Variants in SNX13 observed in about 807,000 individuals in gnomAD.
SNX13 encodes the protein sorting nexin-13.
Under a neutral mutation model 133.6 loss-of-function variants are expected in SNX13, and 45 were observed. The observed-to-expected ratio is 0.34, with a 90% CI of 0.27 to 0.43. The LOEUF (loss-of-function observed/expected upper bound fraction) is 0.43. Among genes scored for constraint, SNX13 ranks in the 20% least tolerant of loss-of-function variants. The probability of loss-of-function intolerance (pLI) is 1.00; values close to 1 mark genes in which losing one functional copy is unlikely to be tolerated. For synonymous variants in SNX13, 414 were observed against 373.9 expected (o/e 1.11, Z -1.24); for missense variants, 1,032 against 1,145.1 (o/e 0.90, Z 1.43).
chr7:17,822,792 T>C (rs887353340), intron 17 of SNX13, among the ~76,000 whole-genome samples: 1 of 152,178 alleles, frequency 6.6e-6, no homozygotes, highest in African/African-American at 2.4e-5. Flanking sequence ...ACTGCTGGTT[T>C]CAGTGGTTCA....
At chr7:17,886,572 AGAGT>A (rs548381192) in intron 5 of SNX13, among the ~76,000 whole-genome samples, 15 of 151,914 alleles carry the variant, frequency 9.9e-5, no homozygotes, top group Non-Finnish European at 1.9e-4. Flanking sequence ...CCTGGGTGAC[AGAGT>A]GAGACTCCGT....
At chr7:17,883,529 A>G (rs1019874510) in intron 5 of SNX13, among the ~76,000 whole-genome samples, 3 of 152,144 alleles carry the variant, frequency 2.0e-5, no homozygotes, top group African/African-American at 7.2e-5. Flanking sequence ...TTTTTTAATT[A>G]GGTTACTTGT....
chr7:17,869,580 G>A (rs895718270), intron 8 of SNX13, among the ~76,000 whole-genome samples: 1 of 151,992 alleles, frequency 6.6e-6, no homozygotes, highest in Admixed American at 6.6e-5. Context: ...TTTATTTTTA[G>A]TAAACTGTAC....
chr7:17,902,242 G>GTT (rs71010277), intron 1 of SNX13, among the ~76,000 whole-genome samples: 99 of 120,288 alleles, frequency 8.2e-4, no homozygotes, highest in East Asian at 3.1e-3. Flanking sequence ...TACTGTCATG[G>GTT]TTTTTTTTTT....
At chr7:17,806,320 A>T (rs1184275133) in intron 20 of SNX13, among the ~76,000 whole-genome samples, 1 of 152,234 alleles carries the variant, frequency 6.6e-6, no homozygotes, top group Non-Finnish European at 1.5e-5. Flanking sequence ...GCTAGGATAC[A>T]TTGTGTGACC....
intron 13 of SNX13, among the ~76,000 whole-genome samples, chr7:17,838,209 T>A (rs1789382550): frequency 6.6e-6 from 1 of 151,886 alleles, no homozygotes; most frequent in African/African-American, 2.4e-5. Flanking sequence ...TCTTCTTGAG[T>A]TAGTGTGGCA....
chr7:17,852,134 T>C (rs978152160), intron 9 of SNX13, among the ~76,000 whole-genome samples: 2 of 152,140 alleles, frequency 1.3e-5, no homozygotes, highest in African/African-American at 4.8e-5. Flanking sequence ...AGCACTTTGG[T>C]AGGCCAAGGC....
chr7:17,845,606 TG>T lies in SNX13; in HGVS notation c.1153del (p.Gln385AsnfsTer20). The T allele has an allele frequency of 6.3e-7, 1 of 1,585,608 alleles. No individual in the cohort carries two copies. Reference protein sequence around the residue: ...DSILVDNVALQFFMDYMQQTG... With the variant: ...DSILVDNVALXFFMDYMQQTG... The stretch of plus-strand genomic sequence containing the variant: ...ATTGATCTACCTACCCATAAAAAAT[TG>T]TAGTGCAACATTGTCTACAAGAATG... On this transcript the variant is annotated frameshift_variant, in exon 12 of 26. Transcript: ENST00000428135. LOFTEE classifies it high-confidence loss of function.
In SNX13 at chr7:17,846,099, A is replaced by T. The variant is rs1790487014; in HGVS notation, c.1066-405T>A. Among the ~76,000 whole-genome samples the T allele has an allele frequency of 2.0e-5, 3 of 152,270 alleles. No homozygotes were observed. The South Asian group carries it at 6.2e-4, about 32-fold the overall frequency. The stretch of plus-strand genomic sequence containing the variant: ...ATAAAGTCTATTTACTACTAGGAAA[A>T]CAAAATATGCCTAAAGAGTAATTTT... On this transcript the variant is annotated intron_variant, in intron 11 of 25. Transcript: ENST00000428135.
chr7:17,827,359 A>G (rs1321307422), intron 16 of SNX13, among the ~76,000 whole-genome samples: 1 of 151,984 alleles, frequency 6.6e-6, no homozygotes, highest in Non-Finnish European at 1.5e-5. Flanking sequence ...GATATATTTC[A>G]CACTTTAAAA....
chr7:17,807,783 T>C (rs915706218), intron 20 of SNX13, among the ~76,000 whole-genome samples: 1 of 152,214 alleles, frequency 6.6e-6, no homozygotes, highest in Non-Finnish European at 1.5e-5. Flanking sequence ...GGCAGCAATC[T>C]TGGCTGCTCT....
intron 22 of SNX13, among the ~76,000 whole-genome samples, chr7:17,800,898 T>C (rs533388098): frequency 2.6e-4 from 39 of 150,862 alleles, no homozygotes; most frequent in African/African-American, 8.5e-4. Context: ...AAAAACAAAA[T>C]ACTGAGTACT....
chr7:17,909,915 G>T (rs1248444376), intron 1 of SNX13, among the ~76,000 whole-genome samples: 5 of 152,182 alleles, frequency 3.3e-5, no homozygotes, highest in African/African-American at 1.2e-4. Context: ...CCTATCTTAA[G>T]CCATTTACGT....
intron 20 of SNX13, among the ~76,000 whole-genome samples, chr7:17,805,238 T>C (rs879709073): frequency 1.6e-4 from 18 of 113,054 alleles, no homozygotes; most frequent in Admixed American, 3.6e-4. Context: ...TGTGTGTGTG[T>C]GTGTGTGTGT....
At chr7:17,818,538 A>G (rs1302283953) in intron 18 of SNX13, among the ~76,000 whole-genome samples, 1 of 152,214 alleles carries the variant, frequency 6.6e-6, no homozygotes. Flanking sequence ...TTGCTATTTA[A>G]AAGATTATTT....
Position 17,799,047 on chromosome 7 carries a change from T to A in SNX13, c.2406A>T (p.Gln802His). The A allele has an allele frequency of 6.2e-7, 1 of 1,610,760 alleles. No homozygotes were observed. The highest frequency in any genetic ancestry group is 8.5e-7 in the Non-Finnish European group (1 of 1,177,934). Reference protein sequence around the residue: ...WLRRNIKNLLQQLIRATYGDT... With the variant: ...WLRRNIKNLLHQLIRATYGDT... Reference sequence around the variant, plus strand: ...CGCCATATGTAGCTCTAATAAGCTGTTGAAGTAGGTTTTTGATATTCCTTC... The same window carrying A: ...CGCCATATGTAGCTCTAATAAGCTGATGAAGTAGGTTTTTGATATTCCTTC... Residue 802 changes from glutamine to histidine, a missense_variant, in exon 23 of 26, where the codon CAA becomes CAT. Transcript: ENST00000428135.
intron 22 of SNX13, among the ~76,000 whole-genome samples, chr7:17,799,355 C>G (rs1433926192): frequency 6.6e-6 from 1 of 151,582 alleles, no homozygotes; most frequent in Non-Finnish European, 1.5e-5. Context: ...CTTCATAGCC[C>G]CACAATAATG....
intron 1 of SNX13, among the ~76,000 whole-genome samples, chr7:17,915,952 G>GT (rs1199452751): frequency 6.6e-6 from 1 of 152,080 alleles, no homozygotes; most frequent in Non-Finnish European, 1.5e-5. Flanking sequence ...ATCATACCAA[G>GT]TATCTTCTCA....
rs1463495990 is a variant in SNX13, at chr7:17,816,097, T to C, written c.1953+85A>G. 2.9e-6 allele frequency: 4 copies of C among 1,378,266 alleles called. No individual in the cohort carries two copies. In the African/African-American group the frequency reaches 4.4e-5, roughly 15 times the overall value. The allele number at this position is 1,378,266 out of a possible 1,614,324, so 85.4% of individuals were successfully genotyped here. A position where few individuals can be genotyped will look rare whatever the true frequency, so the allele number is the denominator to read the frequency against. ...CCCTGTGATTACAGTAAAAACATTC[T>C]GTGTGCTATATTAAATGAAAAACAT... On this transcript the variant is annotated intron_variant, in intron 19 of 25. Transcript: ENST00000428135.
Sources: gnomAD v4.1 joint callset for allele counts (sites outside exome capture counted in the v4.1 genomes callset) on GRCh38, gnomAD v4.1.1 for gene constraint, MANE v1.5 for transcripts, NCBI Gene and HGNC (gene_info 2026-07-23, HGNC 2026-07-21) for gene names.